SSH2: variants seen among roughly 807,000 people sequenced by gnomAD.
SSH2 encodes the protein slingshot protein phosphatase 2, also known as protein phosphatase Slingshot homolog 2.
A neutral mutation model predicts 135.2 loss-of-function variants in SSH2; 37 were observed. The ratio of observed to expected loss-of-function variants is 0.27; its 90% CI spans 0.21 to 0.36. SSH2 has a LOEUF of 0.36. Among genes scored for constraint, SSH2 ranks in the 10% least tolerant of loss-of-function variants. The probability of loss-of-function intolerance (pLI) is 1.00; values close to 1 mark genes in which losing one functional copy is unlikely to be tolerated. For synonymous variants in SSH2, 628 were observed against 646.2 expected (o/e 0.97, Z 0.43); for missense variants, 1,408 against 1,765.3 (o/e 0.80, Z 3.63).
At chr17:29,863,000 T>C (rs1406645460) in intron 1 of SSH2, among the ~76,000 whole-genome samples, 1 of 152,116 alleles carries the variant, frequency 6.6e-6, no homozygotes, top group African/African-American at 2.4e-5. Context: ...GTGGGCCAAA[T>C]GTGGCCCATG....
At chr17:29,781,137 A>T (rs1355127014) in intron 3 of SSH2, among the ~76,000 whole-genome samples, 2 of 152,120 alleles carry the variant, frequency 1.3e-5, no homozygotes, top group Admixed American at 1.3e-4. Context: ...AAATTTAAGT[A>T]CAATGCTCAT....
intron 3 of SSH2, among the ~76,000 whole-genome samples, chr17:29,705,412 AC>A (rs757335649): frequency 4.0e-5 from 6 of 151,778 alleles, no homozygotes; most frequent in Non-Finnish European, 7.4e-5. Context: ...CTACATCCTC[AC>A]CCATTTTACC....
At chr17:29,834,083 T>C (rs943124143) in intron 2 of SSH2, among the ~76,000 whole-genome samples, 2 of 151,972 alleles carry the variant, frequency 1.3e-5, no homozygotes, top group Admixed American at 6.6e-5. Context: ...AATAATATCT[T>C]GTAACCCGTT....
At chr17:29,790,243 G>C (rs950419232) in intron 3 of SSH2, among the ~76,000 whole-genome samples, 1 of 152,162 alleles carries the variant, frequency 6.6e-6, no homozygotes, top group Non-Finnish European at 1.5e-5. Flanking sequence ...GTTAGGGTTA[G>C]ATGAGGTCAT....
At chr17:29,700,773 T>C (rs1024605661) in intron 4 of SSH2, among the ~76,000 whole-genome samples, 10 of 152,142 alleles carry the variant, frequency 6.6e-5, no homozygotes, top group African/African-American at 2.4e-4. Context: ...CTGAATAAGA[T>C]TCAAGGGAAC....
intron 8 of SSH2, among the ~76,000 whole-genome samples, chr17:29,672,338 C>T (rs1301892456): frequency 6.6e-6 from 1 of 152,102 alleles, no homozygotes; most frequent in African/African-American, 2.4e-5. Context: ...AGATATGATG[C>T]ATCATTAAGG....
At chr17:29,774,345 A>T (rs2041650595) in intron 3 of SSH2, among the ~76,000 whole-genome samples, 1 of 151,820 alleles carries the variant, frequency 6.6e-6, no homozygotes, top group South Asian at 2.1e-4. Context: ...GCTCACTGCA[A>T]CCTCCTCCTC....
chr17:29,648,608 T>A (rs2036471631), intron 13 of SSH2, among the ~76,000 whole-genome samples: 2 of 152,228 alleles, frequency 1.3e-5, no homozygotes, highest in South Asian at 4.1e-4. Flanking sequence ...TTACAATATG[T>A]GTAAGGCAAT....
chr17:29,670,552 T>C (rs1453009636), intron 9 of SSH2, among the ~76,000 whole-genome samples: 2 of 152,114 alleles, frequency 1.3e-5, no homozygotes, highest in Non-Finnish European at 2.9e-5. Flanking sequence ...TCCCAGCACT[T>C]TGGGAGGCCG....
chr17:29,883,193 C>A (rs1230535354), intron 1 of SSH2: 6 of 151,930 alleles, frequency 3.9e-5, no homozygotes, highest in Non-Finnish European at 8.8e-5. Flanking sequence ...TGGTAAAAGG[C>A]TTCTATTAAA....
At position 29,785,419 on chromosome 17, in the gene SSH2, T is replaced by A. The variant is rs995392522; in HGVS notation, c.188+8475A>T. 3.5e-4 allele frequency among the ~76,000 whole-genome samples: 53 copies of A among 151,958 alleles called. 2 individuals carry two copies. ...CAATCTTGTTCATTTTTATTTATCATCTTATAATTGTATTAGGTTGACCCA... is the reference window on the plus strand; with the variant it reads ...CAATCTTGTTCATTTTTATTTATCAACTTATAATTGTATTAGGTTGACCCA... On this transcript the variant is annotated intron_variant, in intron 3 of 15. Coordinates refer to ENST00000540801, the MANE Select transcript of SSH2 (RefSeq NM_001282129.2).
intron 1 of SSH2, among the ~76,000 whole-genome samples, chr17:29,861,142 T>G (rs965047710): frequency 6.6e-6 from 1 of 152,174 alleles, no homozygotes; most frequent in Non-Finnish European, 1.5e-5. Flanking sequence ...GTCAGATGCA[T>G]AGTTTGTAAA....
chr17:29,829,946 T>C (rs2042813594), intron 2 of SSH2, among the ~76,000 whole-genome samples: 1 of 151,758 alleles, frequency 6.6e-6, no homozygotes, highest in South Asian at 2.1e-4. Context: ...TTCATGCCAT[T>C]CTCCTGCCTC....
chr17:29,819,643 A>G (rs549439926), intron 2 of SSH2, among the ~76,000 whole-genome samples: 4 of 152,352 alleles, frequency 2.6e-5, no homozygotes, highest in Non-Finnish European at 4.4e-5. Context: ...AGTTCTATCT[A>G]TGTGTATTAT....
At chr17:29,815,560 C>A (rs2042543781) in intron 2 of SSH2, among the ~76,000 whole-genome samples, 1 of 152,222 alleles carries the variant, frequency 6.6e-6, no homozygotes, top group Non-Finnish European at 1.5e-5. Flanking sequence ...TGTGCCCAGC[C>A]TGTTCCTTTT....
At chr17:29,823,878 CAAAAAA>C (rs60064865) in intron 2 of SSH2, among the ~76,000 whole-genome samples, 10 of 85,084 alleles carry the variant, frequency 1.2e-4, no homozygotes, top group Admixed American at 2.5e-4. Context: ...GACTCTGTCT[CAAAAAA>C]AAAAAAAAAA....
At chr17:29,928,700 C>T in intron 1 of SSH2, 1 of 395,744 alleles carries the variant, frequency 2.5e-6, no homozygotes, top group Non-Finnish European at 4.5e-6. Flanking sequence ...CACAACCATA[C>T]ACAACAAAAC....
At chr17:29,909,852 A>G (rs1202031935) in intron 1 of SSH2, among the ~76,000 whole-genome samples, 1 of 152,226 alleles carries the variant, frequency 6.6e-6, no homozygotes, top group African/African-American at 2.4e-5. Flanking sequence ...GATAAGGTAC[A>G]AGTACGACTT....
chr17:29,675,071 A>G (rs995220315), intron 8 of SSH2, among the ~76,000 whole-genome samples: 1 of 152,210 alleles, frequency 6.6e-6, no homozygotes, highest in Non-Finnish European at 1.5e-5. Flanking sequence ...GGAATAGATA[A>G]GTCAATTGTC....
Sources: allele counts gnomAD v4.1 joint callset (sites outside exome capture counted in the v4.1 genomes callset), GRCh38; gene constraint gnomAD v4.1.1; transcripts MANE v1.5; gene names NCBI Gene and HGNC (gene_info 2026-07-23, HGNC 2026-07-21).